Variants in COL23A1 observed in about 807,000 individuals in gnomAD.
COL23A1 encodes the protein collagen type XXIII alpha 1 chain.
Under a neutral mutation model 99.3 loss-of-function variants are expected in COL23A1, and 97 were observed. The observed-to-expected ratio is 0.98, with a 90% CI of 0.83 to 1.16. COL23A1 has a LOEUF of 1.16. COL23A1 is among the 50% of genes most tolerant of loss of function. COL23A1 has a pLI of 0.00. For synonymous variants in COL23A1, 320 were observed against 308.2 expected, an observed-to-expected ratio of 1.04 and a Z score of -0.40; for missense variants, 762 against 757.4, an observed-to-expected ratio of 1.01 and a Z score of -0.07.
rs1197712773 is a variant in COL23A1 at position 178,387,500 on chromosome 5, C to T, written c.362-80581G>A. 6.6e-6 allele frequency among the ~76,000 whole-genome samples: 1 copy of T among 152,172 alleles called. No homozygotes were observed. The highest frequency in any genetic ancestry group is 1.5e-5 in the Non-Finnish European group (1 of 68,030). ...CAGAGCACCCCTGCCCATGAGCTCT[C>T]CTGGCAGGGTCGGGAACTGCCTGCT... On this transcript the variant is annotated intron_variant, in intron 2 of 28. Transcript: ENST00000390654. This position sits in a 1 kb window ranked among gnomAD's most constrained non-coding sequence, Gnocchi z 4.7.
At chr5:178,411,362 A>AT (rs1438115125) in intron 2 of COL23A1, among the ~76,000 whole-genome samples, 8 of 152,246 alleles carry the variant, frequency 5.3e-5, no homozygotes, top group Admixed American at 1.3e-4. Context: ...AACAACACTA[A>AT]TCACAATAGC....
chr5:178,540,590 G>A (rs1454302376), intron 2 of COL23A1, among the ~76,000 whole-genome samples: 1 of 152,202 alleles, frequency 6.6e-6, no homozygotes, highest in African/African-American at 2.4e-5. Context: ...ATGTCACTCT[G>A]TCTAAATTAA....
In COL23A1 at chr5:178,311,563, C is replaced by CGTGTGTGTGTGTGTGT. The variant is rs933174089; in HGVS notation, c.362-4660_362-4645dup. Among the ~76,000 whole-genome samples, 4 of 149,462 alleles carry CGTGTGTGTGTGTGTGT rather than the reference C, an allele frequency of 2.7e-5. No homozygotes were observed. In the South Asian group the frequency reaches 8.5e-4, roughly 32 times the overall value. ...GGGCTTTAATGTAAGTGGGTTCTTTCGTGTGTGTGTGTGTGTCAGGGTCTC... is the reference window on the plus strand; with the variant it reads ...GGGCTTTAATGTAAGTGGGTTCTTTCGTGTGTGTGTGTGTGTGTGTGTGTGTGTGTGTCAGGGTCTC... On this transcript the variant is annotated intron_variant, in intron 2 of 28. Transcript: ENST00000390654.
chr5:178,327,628 T>C (rs550780201), intron 2 of COL23A1, among the ~76,000 whole-genome samples: 37 of 152,246 alleles, frequency 2.4e-4, no homozygotes, highest in East Asian at 1.2e-3. Context: ...CTCAGGCGAC[T>C]GGAGGGGTGA....
intron 1 of COL23A1, among the ~76,000 whole-genome samples, chr5:178,562,427 G>T (rs552968226): frequency 2.6e-5 from 4 of 151,388 alleles, no homozygotes. Context: ...GGTGGCGGGC[G>T]CCTGTAGTCC....
chr5:178,536,096 A>C (rs1760922831), intron 2 of COL23A1, among the ~76,000 whole-genome samples: 1 of 152,254 alleles, frequency 6.6e-6, no homozygotes, highest in Non-Finnish European at 1.5e-5. Flanking sequence ...CTCTGAGGCC[A>C]CCAGCAAGGC....
At chr5:178,404,675 G>A (rs924760021) in intron 2 of COL23A1, among the ~76,000 whole-genome samples, 2 of 137,894 alleles carry the variant, frequency 1.5e-5, no homozygotes, top group Non-Finnish European at 3.0e-5. Flanking sequence ...CCTGCAAGGG[G>A]CACGAAGACC....
At chr5:178,337,350 C>T (rs754726178) in intron 2 of COL23A1, among the ~76,000 whole-genome samples, 11 of 152,230 alleles carry the variant, frequency 7.2e-5, no homozygotes, top group Non-Finnish European at 1.3e-4. Context: ...GTTTGTAAAC[C>T]AACAGATTTC....
Position 178,329,953 on chromosome 5 carries a change from GAAGA to G in COL23A1, c.362-23038_362-23035del, listed in dbSNP as rs1759917905. ...TTCTGTCTCAAAAAAAAAAAAAAAA[GAAGA>G]AAGAAAGGCTCACATGGAAGCTACC... On this transcript the variant is annotated intron_variant, in intron 2 of 28. Transcript: ENST00000390654. Among the ~76,000 whole-genome samples, 7 of 143,386 alleles carry G rather than the reference GAAGA, an allele frequency of 4.9e-5. No individual in the cohort carries two copies. The East Asian group carries it at 1.0e-3, about 21-fold the overall frequency. The allele number at this position is 143,386 out of a possible 152,430, so 94.1% of individuals were successfully genotyped here. A position where few individuals can be genotyped will look rare whatever the true frequency, so the allele number is the denominator to read the frequency against.
intron 1 of COL23A1, among the ~76,000 whole-genome samples, chr5:178,569,240 G>C (rs1158437604): frequency 6.6e-6 from 1 of 152,120 alleles, no homozygotes; most frequent in Non-Finnish European, 1.5e-5. Flanking sequence ...GTTAAAATTG[G>C]GTTGTGTGTA....
chr5:178,477,732 C>T (rs1017662952), intron 2 of COL23A1, among the ~76,000 whole-genome samples: 3 of 152,178 alleles, frequency 2.0e-5, no homozygotes, highest in Admixed American at 6.5e-5. Context: ...CCTTCCTTCC[C>T]GCTCTTCCCT....
chr5:178,527,782 T>A (rs1010565047), intron 2 of COL23A1, among the ~76,000 whole-genome samples: 2 of 152,228 alleles, frequency 1.3e-5, no homozygotes, highest in Non-Finnish European at 2.9e-5. Context: ...CCCTGCAGCC[T>A]GGATACTGGA....
At chr5:178,539,969 T>C (rs1176613703) in intron 2 of COL23A1, among the ~76,000 whole-genome samples, 3 of 152,214 alleles carry the variant, frequency 2.0e-5, no homozygotes, top group African/African-American at 4.8e-5. Flanking sequence ...TAAAAATCAA[T>C]TAATATAATG....
intron 2 of COL23A1, chr5:178,352,205 A>G (rs1761368780): frequency 6.6e-6 from 1 of 152,210 alleles, no homozygotes; most frequent in Non-Finnish European, 1.5e-5. Context: ...GCAAGACTTC[A>G]AGAAGCTGCA....
At chr5:178,486,225 G>A (rs561851) in intron 2 of COL23A1, among the ~76,000 whole-genome samples, 4,154 of 152,294 alleles carry the variant, frequency 0.027, 184 homozygotes, top group African/African-American at 0.094. Flanking sequence ...GGGAGTGTTC[G>A]ACAAGATTCA....
At chr5:178,412,964 G>A (rs1765124996) in intron 2 of COL23A1, among the ~76,000 whole-genome samples, 1 of 151,706 alleles carries the variant, frequency 6.6e-6, no homozygotes, top group South Asian at 2.1e-4. Flanking sequence ...TGGAATTGTT[G>A]AGTACAACTT....
chr5:178,445,677 G>C (rs1208447283), intron 2 of COL23A1, among the ~76,000 whole-genome samples: 1 of 152,098 alleles, frequency 6.6e-6, no homozygotes, highest in East Asian at 1.9e-4. Context: ...GAAGTACAGA[G>C]AGTTTAAATA....
At chr5:178,378,753 C>T (rs1763216479) in intron 2 of COL23A1, among the ~76,000 whole-genome samples, 2 of 152,082 alleles carry the variant, frequency 1.3e-5, no homozygotes, top group Middle Eastern at 3.2e-3. Flanking sequence ...TGAGGAAGGA[C>T]CCTCATCACC....
chr5:178,316,578 G>A (rs1758994797), intron 2 of COL23A1, among the ~76,000 whole-genome samples: 1 of 152,148 alleles, frequency 6.6e-6, no homozygotes, highest in East Asian at 1.9e-4. Context: ...CTTACTAAGA[G>A]AAGTCTGTGC....
Sources: gnomAD v4.1 joint callset for allele counts (sites outside exome capture counted in the v4.1 genomes callset) on GRCh38, gnomAD v4.1.1 for gene constraint, Gnocchi (gnomAD v3.1) non-coding constraint, MANE v1.5 for transcripts, NCBI Gene and HGNC (gene_info 2026-07-23, HGNC 2026-07-21) for gene names.